Variants in RMST observed in about 807,000 individuals in gnomAD.
RMST encodes rhabdomyosarcoma 2 associated transcript.
intron 10 of RMST, among the ~76,000 whole-genome samples, chr12:97,520,822 T>C (rs1232955006): frequency 6.6e-6 from 1 of 152,158 alleles, no homozygotes; most frequent in African/African-American, 2.4e-5. Flanking sequence ...ATAGACCATA[T>C]TGGAGCAAAA....
At chr12:97,489,101 C>A (rs1876465723) in intron 5 of RMST, among the ~76,000 whole-genome samples, 1 of 152,086 alleles carries the variant, frequency 6.6e-6, no homozygotes, top group Non-Finnish European at 1.5e-5. Context: ...GATATAAAAA[C>A]AATTAAGCAA....
At chr12:97,481,943 T>C (rs1593145198) in intron 5 of RMST, among the ~76,000 whole-genome samples, 1 of 152,318 alleles carries the variant, frequency 6.6e-6, no homozygotes, top group African/African-American at 2.4e-5. Flanking sequence ...AGCATGAATG[T>C]AGTGGCAAAG....
At chr12:97,539,564 T>G (rs1882344396) in intron 11 of RMST, among the ~76,000 whole-genome samples, 2 of 151,754 alleles carry the variant, frequency 1.3e-5, no homozygotes, top group South Asian at 2.1e-4. Context: ...TACAGCAATC[T>G]ATTCTAAACA....
chr12:97,528,807 T>A (rs1288214276), intron 10 of RMST, among the ~76,000 whole-genome samples: 1 of 152,110 alleles, frequency 6.6e-6, no homozygotes, highest in Non-Finnish European at 1.5e-5. Context: ...ATGTATTTCT[T>A]GAGAAACGGC....
chr12:97,493,527 A>G (rs914833502), intron 7 of RMST, among the ~76,000 whole-genome samples: 4 of 152,188 alleles, frequency 2.6e-5, no homozygotes, highest in African/African-American at 9.6e-5. Context: ...AAACCACCAA[A>G]AATGGACTCC....
intron 11 of RMST, among the ~76,000 whole-genome samples, chr12:97,552,772 A>G (rs992646495): frequency 6.6e-6 from 1 of 152,184 alleles, no homozygotes; most frequent in African/African-American, 2.4e-5. Flanking sequence ...AAGAAATGCA[A>G]CCCAGCTACT....
At chr12:97,520,517 A>C (rs1016657055) in intron 10 of RMST, among the ~76,000 whole-genome samples, 1 of 152,118 alleles carries the variant, frequency 6.6e-6, no homozygotes, top group African/African-American at 2.4e-5. Context: ...TAAATTTAAA[A>C]TTATAATTAA....
At chr12:97,494,721 A>C (rs1169947820) in exon 9 of RMST, 1 of 152,086 alleles carries the variant, frequency 6.6e-6, no homozygotes, top group African/African-American at 2.4e-5. Context: ...ACGGTTGTTT[A>C]CAATTTATGC....
chr12:97,526,601 G>A (rs922773740), intron 10 of RMST, among the ~76,000 whole-genome samples: 2 of 152,276 alleles, frequency 1.3e-5, no homozygotes, highest in Non-Finnish European at 2.9e-5. Context: ...TAACCAAGTA[G>A]CATAGGAGGC....
chr12:97,512,211 C>A (rs11109079), intron 10 of RMST, among the ~76,000 whole-genome samples: 27,532 of 151,754 alleles, frequency 0.18, 4,864 homozygotes, highest in African/African-American at 0.45. Context: ...GCGCGTCTGG[C>A]GTTCCTCCCG....
chr12:97,524,075 C>CAGAGAGAA (rs57255256), intron 10 of RMST, among the ~76,000 whole-genome samples: 1 of 56,118 alleles, frequency 1.8e-5, no homozygotes, highest in African/African-American at 7.7e-5. Flanking sequence ...GACTCTGTCT[C>CAGAGAGAA]AAAAAAAAAA....
At chr12:97,475,590 T>TTG (rs1874454769) in intron 5 of RMST, among the ~76,000 whole-genome samples, 1 of 148,870 alleles carries the variant, frequency 6.7e-6, no homozygotes, top group African/African-American at 2.4e-5. Flanking sequence ...TTTTTTTGTT[T>TTG]TTTTTTTTTA....
chr12:97,520,332 C>T (rs936110730), intron 10 of RMST, among the ~76,000 whole-genome samples: 4 of 152,094 alleles, frequency 2.6e-5, no homozygotes, highest in South Asian at 2.1e-4. Flanking sequence ...CTGTTTAATC[C>T]GTATGTTTTA....
chr12:97,480,471 C>A (rs1390146105), intron 5 of RMST, among the ~76,000 whole-genome samples: 1 of 152,174 alleles, frequency 6.6e-6, no homozygotes, highest in Admixed American at 6.5e-5. Flanking sequence ...GATGTTTCAT[C>A]TCTTGCTTGG....
At chr12:97,562,496 G>A (rs1884193379) in intron 13 of RMST, among the ~76,000 whole-genome samples, 1 of 152,112 alleles carries the variant, frequency 6.6e-6, no homozygotes, top group South Asian at 2.1e-4. Flanking sequence ...AGCTGAGCCA[G>A]CTGGGGGAGG....
intron 10 of RMST, among the ~76,000 whole-genome samples, chr12:97,505,157 T>C (rs1878528399): frequency 6.6e-6 from 1 of 152,234 alleles, no homozygotes; most frequent in Non-Finnish European, 1.5e-5. Flanking sequence ...CAGCAGTGTC[T>C]AAAGCAAAAT....
At chr12:97,555,278 T>A (rs542669244) in intron 11 of RMST, among the ~76,000 whole-genome samples, 23 of 152,350 alleles carry the variant, frequency 1.5e-4, no homozygotes, top group African/African-American at 5.5e-4. Context: ...CTTGACTGTA[T>A]ATTGATACCT....
intron 11 of RMST, among the ~76,000 whole-genome samples, chr12:97,559,498 C>A (rs903205064): frequency 6.6e-6 from 1 of 152,148 alleles, no homozygotes; most frequent in Non-Finnish European, 1.5e-5. Flanking sequence ...TTCCCCCCAC[C>A]CCTCCCCTTG....
intron 10 of RMST, among the ~76,000 whole-genome samples, chr12:97,503,027 C>T (rs1343870416): frequency 1.3e-5 from 2 of 152,036 alleles, no homozygotes; most frequent in East Asian, 3.9e-4. Context: ...ATGTCATGTT[C>T]CTTGTGTCTG....
Sources: allele counts gnomAD v4.1 joint callset (sites outside exome capture counted in the v4.1 genomes callset), GRCh38; gene constraint gnomAD v4.1.1; transcripts MANE v1.5; gene names NCBI Gene and HGNC (gene_info 2026-07-23, HGNC 2026-07-21).